The following XKR9 variants were observed in gnomAD, a reference collection of about 807,000 sequenced individuals.
XKR9 encodes XK related 9.
In XKR9, 32 loss-of-function variants were observed where a neutral mutation model predicts 32.0. That is an observed-to-expected ratio of 1.00 (90% CI 0.76 to 1.34). The LOEUF is 1.34. XKR9 is among the 40% of genes most tolerant of loss of function. The pLI is 0.00. For synonymous variants in XKR9, 168 were observed against 143.4 expected, an observed-to-expected ratio of 1.17 and a Z score of -1.22; for missense variants, 546 against 429.7, an observed-to-expected ratio of 1.27 and a Z score of -2.39.
At position 70,753,715 on chromosome 8, in the gene XKR9, A is replaced by T. The variant is rs1158629026; in HGVS notation, n.353-35624A>T. ...AAAAGGCCTTTGACAAAATTCAACA[A>T]CGCTTCATGCTAAAAACTCTCAATA... On this transcript the variant is annotated intron_variant and non_coding_transcript_variant, in intron 2 of 3. Transcript: ENST00000520273. Among the ~76,000 whole-genome samples the T allele has an allele frequency of 5.9e-5, 9 of 151,938 alleles. No homozygotes were observed. The South Asian group carries it at 1.9e-3, about 32-fold the overall frequency.
chr8:70,909,487 T>A, the XKR9 span, among the ~76,000 whole-genome samples: 1 of 152,038 alleles, frequency 6.6e-6, no homozygotes, highest in Non-Finnish European at 1.5e-5. Context: ...ACGTTTTGTA[T>A]AACATATATT....
chr8:71,044,382 A>C, the XKR9 span, among the ~76,000 whole-genome samples: 1 of 152,182 alleles, frequency 6.6e-6, no homozygotes, highest in South Asian at 2.1e-4. Context: ...AGCCCCAGAG[A>C]TAAGAACAAA....
the XKR9 span, among the ~76,000 whole-genome samples, chr8:71,007,493 AAC>A: frequency 2.0e-5 from 3 of 152,356 alleles, no homozygotes; most frequent in South Asian, 6.2e-4. Flanking sequence ...TTAAAAGAAT[AAC>A]AGACTATTTT....
intron 2 of XKR9, among the ~76,000 whole-genome samples, chr8:70,746,671 T>C (rs1423619347): frequency 1.3e-5 from 2 of 151,970 alleles, no homozygotes; most frequent in Admixed American, 6.6e-5. Flanking sequence ...TGCTGCACTT[T>C]AAAAATTCTG....
the XKR9 span, among the ~76,000 whole-genome samples, chr8:70,852,123 A>G: frequency 0.4 from 61,293 of 152,068 alleles, 13,890 homozygotes; most frequent in Non-Finnish European, 0.52. Flanking sequence ...AGTGGGTGAA[A>G]GATATGAACA....
chr8:70,817,646 C>T, the XKR9 span, among the ~76,000 whole-genome samples: 1 of 151,954 alleles, frequency 6.6e-6, no homozygotes, highest in Admixed American at 6.6e-5. Flanking sequence ...ATATGGGCCC[C>T]CAAAAAGCCC....
At chr8:70,954,631 G>A in the XKR9 span, among the ~76,000 whole-genome samples, 3 of 152,182 alleles carry the variant, frequency 2.0e-5, no homozygotes, top group Non-Finnish European at 4.4e-5. Flanking sequence ...TGCTAACCTT[G>A]AGCCAACTTC....
intron 4 of XKR9, among the ~76,000 whole-genome samples, chr8:70,714,839 T>A (rs1209740322): frequency 2.0e-5 from 3 of 152,116 alleles, no homozygotes; most frequent in Non-Finnish European, 4.4e-5. Flanking sequence ...TTAATGAAAA[T>A]CTCTGAATTA....
At chr8:70,878,417 G>A in the XKR9 span, among the ~76,000 whole-genome samples, 12,417 of 151,932 alleles carry the variant, frequency 0.082, 599 homozygotes, top group Non-Finnish European at 0.098. Context: ...ACCCACCTAC[G>A]TGCAAAGATG....
At chr8:71,025,105 G>A in the XKR9 span, among the ~76,000 whole-genome samples, 3 of 152,240 alleles carry the variant, frequency 2.0e-5, no homozygotes, top group South Asian at 6.2e-4. Context: ...TGAGGAAATA[G>A]GAGCATAGAG....
the XKR9 span, among the ~76,000 whole-genome samples, chr8:70,829,583 G>A: frequency 1.3e-5 from 2 of 152,108 alleles, no homozygotes; most frequent in Non-Finnish European, 2.9e-5. Flanking sequence ...TGAGTAGCTG[G>A]GACTACAGGC....
At chr8:70,849,826 G>A in the XKR9 span, among the ~76,000 whole-genome samples, 1 of 152,072 alleles carries the variant, frequency 6.6e-6, no homozygotes, top group Non-Finnish European at 1.5e-5. Context: ...TACCATCAGA[G>A]AATACTATTA....
At chr8:70,841,238 C>G in the XKR9 span, among the ~76,000 whole-genome samples, 127 of 152,092 alleles carry the variant, frequency 8.4e-4, no homozygotes, top group African/African-American at 2.8e-3. Context: ...GATTTCTTAG[C>G]TTTTATTGAG....
chr8:70,697,866 G>C (rs1418677347), intron 3 of XKR9, among the ~76,000 whole-genome samples: 1 of 152,006 alleles, frequency 6.6e-6, no homozygotes, highest in African/African-American at 2.4e-5. Flanking sequence ...TTCAGCTCCT[G>C]TTATTGGTCT....
chr8:70,976,686 T>C, the XKR9 span, among the ~76,000 whole-genome samples: 1 of 152,186 alleles, frequency 6.6e-6, no homozygotes, highest in Non-Finnish European at 1.5e-5. Flanking sequence ...TCTCTTTTTT[T>C]GTTATGTCTT....
At chr8:70,782,994 A>G (rs867522768) in intron 2 of XKR9, among the ~76,000 whole-genome samples, 1 of 152,294 alleles carries the variant, frequency 6.6e-6, no homozygotes, top group South Asian at 2.1e-4. Flanking sequence ...TTGAGAAACC[A>G]TACAGTTTTC....
chr8:70,964,083 TTTTTACAGTCTTGGGTTTTACA>T, the XKR9 span, among the ~76,000 whole-genome samples: 2 of 152,164 alleles, frequency 1.3e-5, no homozygotes, highest in Admixed American at 1.3e-4. Flanking sequence ...TCTTCTAGGG[TTTTTACAGTCTTGGGTTTTACA>T]TTTAAGTCTT....
chr8:70,885,786 T>C, the XKR9 span, among the ~76,000 whole-genome samples: 7 of 152,166 alleles, frequency 4.6e-5, no homozygotes, highest in East Asian at 1.9e-4. Flanking sequence ...TTAGTAGAGA[T>C]GGGGTTTCAC....
chr8:70,880,230 C>G, the XKR9 span, among the ~76,000 whole-genome samples: 1 of 152,156 alleles, frequency 6.6e-6, no homozygotes, highest in Non-Finnish European at 1.5e-5. Context: ...GGGATGCCCT[C>G]TCTCACCACT....
Sources: allele counts gnomAD v4.1 joint callset (sites outside exome capture counted in the v4.1 genomes callset), GRCh38; gene constraint gnomAD v4.1.1; transcripts MANE v1.5; gene names NCBI Gene and HGNC (gene_info 2026-07-23, HGNC 2026-07-21).